GPR149: variants seen among roughly 807,000 people sequenced by gnomAD.
GPR149 encodes G protein-coupled receptor 149, also known as probable G protein-coupled receptor 149.
Under a neutral mutation model 50.2 loss-of-function variants are expected in GPR149, and 50 were observed. The observed-to-expected ratio is 1.00, with a 90% CI of 0.79 to 1.26. The LOEUF (loss-of-function observed/expected upper bound fraction) is 1.26. Ranked by LOEUF, GPR149 falls within the 50% of genes most tolerant of loss-of-function variation. The probability of loss-of-function intolerance (pLI) is 0.00; values close to 1 mark genes in which losing one functional copy is unlikely to be tolerated. For synonymous variants in GPR149, 405 were observed against 358.2 expected (o/e 1.13, Z -1.48); for missense variants, 983 against 895.4 (o/e 1.10, Z -1.25).
chr3:154,351,313 C>CAAAAAAAAAAAAAAAAA (rs71155003), intron 3 of GPR149, among the ~76,000 whole-genome samples: 2 of 75,528 alleles, frequency 2.6e-5, no homozygotes, highest in Non-Finnish European at 4.8e-5. Flanking sequence ...CATCCACATA[C>CAAAAAAAAAAAAAAAAA]AAAAAAAAAA....
chr3:154,348,718 A>T (rs935447434), intron 3 of GPR149, among the ~76,000 whole-genome samples: 1 of 152,160 alleles, frequency 6.6e-6, no homozygotes, highest in East Asian at 1.9e-4. Context: ...AATCAACAAG[A>T]GTGTAGAAGA....
intron 2 of GPR149, among the ~76,000 whole-genome samples, chr3:154,426,558 T>G (rs2108432232): frequency 6.6e-6 from 1 of 152,354 alleles, no homozygotes; most frequent in African/African-American, 2.4e-5. Flanking sequence ...CTCAGATTAA[T>G]TAAGTGATAG....
intron 3 of GPR149, chr3:154,353,958 G>A: frequency 6.1e-6 from 3 of 488,080 alleles, no homozygotes; most frequent in Non-Finnish European, 1.1e-5. Flanking sequence ...GTCTCCTCTA[G>A]TTTATTATCA....
In GPR149 at chr3:154,335,913, T is replaced by C. The variant is rs1713646013; in HGVS notation, c.*1786A>G. ...GAAAATTATACATCTAAGTTTAAGA[T>C]ATCAAAGCCTATCTTCTACAAAGCA... On this transcript the variant is annotated 3_prime_UTR_variant, in exon 4 of 4. Coordinates refer to ENST00000389740, the MANE Select transcript of GPR149 (RefSeq NM_001038705.3). 1 of 152,136 alleles carries C rather than the reference T, an allele frequency of 6.6e-6. No individual in the cohort carries two copies. The allele number at this position is 152,136 out of a possible 1,614,324, so 9.4% of individuals were successfully genotyped here.
chr3:154,353,480 G>A (rs910874519), intron 3 of GPR149: 34 of 909,404 alleles, frequency 3.7e-5, no homozygotes, highest in Non-Finnish European at 6.1e-5. Context: ...GCACAACATG[G>A]CACAGTTTAG....
chr3:154,338,494 T>A (rs576826962), intron 3 of GPR149, among the ~76,000 whole-genome samples: 1 of 152,300 alleles, frequency 6.6e-6, no homozygotes, highest in South Asian at 2.1e-4. Flanking sequence ...GGAACCTTTA[T>A]TTGAAGATGA....
intron 3 of GPR149, among the ~76,000 whole-genome samples, chr3:154,390,395 C>A (rs530423635): frequency 1.3e-5 from 2 of 151,682 alleles, no homozygotes; most frequent in Admixed American, 1.3e-4. Context: ...AAATGTGAAA[C>A]AGATCATAGA....
rs1217361074 is a variant in GPR149 at position 154,352,732 on chromosome 3, G to A, written c.1624-14461C>T. On this transcript the variant is annotated intron_variant, in intron 3 of 3. Coordinates refer to ENST00000389740, the MANE Select transcript of GPR149 (RefSeq NM_001038705.3). Reference sequence around the variant, plus strand: ...AAAATCAACAGCAGCATAAGAAACGGAAGTCAGAAACCTGATGGTATCCAT... The same window carrying A: ...AAAATCAACAGCAGCATAAGAAACGAAAGTCAGAAACCTGATGGTATCCAT... 10 of 787,630 alleles carry A rather than the reference G, an allele frequency of 1.3e-5. No homozygotes were observed. The East Asian group carries it at 2.4e-4, about 19-fold the overall frequency. The allele number at this position is 787,630 out of a possible 1,614,324, so 48.8% of individuals were successfully genotyped here. A position where few individuals can be genotyped will look rare whatever the true frequency, so the allele number is the denominator to read the frequency against.
At chr3:154,377,562 TCACCATC>T (rs1714822973) in intron 3 of GPR149, among the ~76,000 whole-genome samples, 1 of 151,920 alleles carries the variant, frequency 6.6e-6, no homozygotes. Flanking sequence ...AGACGGTGTT[TCACCATC>T]TGGCCAGGCT....
At chr3:154,376,998 T>C (rs1714806764) in intron 3 of GPR149, among the ~76,000 whole-genome samples, 1 of 150,418 alleles carries the variant, frequency 6.6e-6, no homozygotes, top group Non-Finnish European at 1.5e-5. Flanking sequence ...GAAGACTGTA[T>C]ACTTCAAAAA....
At chr3:154,387,633 G>T (rs185568121) in intron 3 of GPR149, among the ~76,000 whole-genome samples, 1 of 152,156 alleles carries the variant, frequency 6.6e-6, no homozygotes. Flanking sequence ...TACTATCTCT[G>T]GTTGTCTTAA....
intron 3 of GPR149, among the ~76,000 whole-genome samples, chr3:154,340,719 T>C (rs760048253): frequency 7.9e-5 from 12 of 152,144 alleles, no homozygotes; most frequent in Non-Finnish European, 1.6e-4. Context: ...AGAAAAGATT[T>C]AGTTTTGTTT....
At position 154,429,272 on chromosome 3, in the gene GPR149, T is replaced by C. The variant is rs1475637246; in HGVS notation, c.344A>G (p.Gln115Arg). The C allele has an allele frequency of 6.2e-7, 1 of 1,614,184 alleles. No individual in the cohort carries two copies. The highest frequency in any genetic ancestry group is 1.3e-5 in the African/African-American group (1 of 75,044). ...CGCCTTCAAGTTGCTAGAGAGGCCC[T>C]GGCATAAATACATTAAGGCAGAGGT... The part of the protein sequence containing the change: ...CTTSALMYLC[Q>R]GLSSNLKATL... Residue 115 changes from glutamine to arginine, a missense_variant, in exon 1 of 4, where the codon CAG becomes CGG. By Grantham distance (43) the Gln-to-Arg change is conservative. Transcript: ENST00000389740.
chr3:154,352,045 C>G, intron 3 of GPR149: 2 of 405,284 alleles, frequency 4.9e-6, no homozygotes, highest in Non-Finnish European at 8.7e-6. Context: ...CAGACACATA[C>G]CTCAACTATC....
intron 3 of GPR149, among the ~76,000 whole-genome samples, chr3:154,407,622 A>T (rs930187834): frequency 6.6e-6 from 1 of 151,648 alleles, no homozygotes; most frequent in Non-Finnish European, 1.5e-5. Context: ...TGGGGTGATT[A>T]ATATAGAAAT....
chr3:154,372,530 A>G (rs1714689024), intron 3 of GPR149, among the ~76,000 whole-genome samples: 1 of 152,140 alleles, frequency 6.6e-6, no homozygotes, highest in Non-Finnish European at 1.5e-5. Flanking sequence ...CATAAAGTAG[A>G]TATACCAATA....
intron 3 of GPR149, among the ~76,000 whole-genome samples, chr3:154,380,816 A>G (rs910531652): frequency 1.3e-5 from 2 of 152,192 alleles, no homozygotes; most frequent in African/African-American, 4.8e-5. Flanking sequence ...AGCTAAGCCA[A>G]TGTCAGATAT....
At chr3:154,359,772 T>C (rs1370178438) in intron 3 of GPR149, among the ~76,000 whole-genome samples, 1 of 152,166 alleles carries the variant, frequency 6.6e-6, no homozygotes, top group Non-Finnish European at 1.5e-5. Context: ...CCCATAGTGT[T>C]TTTGCTCCTT....
chr3:154,362,288 C>A (rs369870947), intron 3 of GPR149, among the ~76,000 whole-genome samples: 360 of 94,418 alleles, frequency 3.8e-3, no homozygotes, highest in East Asian at 4.4e-3. Flanking sequence ...GACTCCGTCT[C>A]AAAAAAAAAA....
Sources: allele counts gnomAD v4.1 joint callset (sites outside exome capture counted in the v4.1 genomes callset), GRCh38; gene constraint gnomAD v4.1.1; transcripts MANE v1.5; gene names NCBI Gene and HGNC (gene_info 2026-07-23, HGNC 2026-07-21).